SLA: variants seen among roughly 807,000 people sequenced by gnomAD.
The protein encoded by SLA is src-like-adapter.
Under a neutral mutation model 30.3 loss-of-function variants are expected in SLA, and 16 were observed. That is an observed-to-expected ratio of 0.53 (90% CI 0.36 to 0.80). The LOEUF is 0.80. Ranked by LOEUF, SLA falls within the 30% of genes least tolerant of loss-of-function variation. SLA has a pLI of 0.01. For synonymous variants in SLA, 143 were observed against 137.8 expected (o/e 1.04, Z -0.26); for missense variants, 310 against 345.2 (o/e 0.90, Z 0.81).
At chr8:133,050,665 G>A (rs1417701647) in intron 4 of SLA, 151 bp downstream of exon 4, 14 of 612,780 alleles carry the variant, frequency 2.3e-5, no homozygotes, top group Non-Finnish European at 3.8e-5. Flanking sequence ...CATTAAAGAG[G>A]AAGGTTGCAG....
At chr8:133,045,190 C>G (rs774065468) in intron 6 of SLA, 75 bp from the exon 7 acceptor site, 1 of 1,549,168 alleles carries the variant, frequency 6.5e-7, no homozygotes, top group African/African-American at 1.4e-5. Context: ...CAGCCCACCA[C>G]CACTGAGGCA....
At chr8:133,102,526 C>T in intron 1 of SLA, 27 bp downstream of exon 1, 2 of 1,551,050 alleles carry the variant, frequency 1.3e-6, no homozygotes, top group Non-Finnish European at 1.7e-6. Context: ...CCAGGGGGTC[C>T]CAATGACAGC....
rs371526739 is a variant in SLA, at chr8:133,101,757, T to C, written c.-319+796A>G. On this transcript the variant is annotated intron_variant, in intron 1 of 8. Coordinates refer to ENST00000338087, the MANE Select transcript of SLA (RefSeq NM_001045556.3). ...AGGCAAACAACTGAAACACCATTGA[T>C]ACATACTATATGGAGAGATGGACAT... Among the ~76,000 whole-genome samples, 61 of 152,342 alleles carry C rather than the reference T, an allele frequency of 4.0e-4. 1 individual carries two copies. In the South Asian group the frequency reaches 9.9e-3, roughly 25 times the overall value.
intron 7 of SLA, among the ~76,000 whole-genome samples, chr8:133,040,519 T>C (rs953913129): frequency 2.0e-5 from 3 of 152,202 alleles, no homozygotes; most frequent in African/African-American, 7.2e-5. Flanking sequence ...GCCGCAGCCT[T>C]CCAGGGTTTC....
rs190458607 is a variant in SLA, at chr8:133,084,756, C to T, written c.-318-9626G>A. Among the ~76,000 whole-genome samples the T allele has an allele frequency of 2.0e-4, 30 of 152,370 alleles. No homozygotes were observed. In the South Asian group the frequency reaches 6.0e-3, roughly 30 times the overall value. On this transcript the variant is annotated intron_variant, in intron 1 of 8. Coordinates refer to ENST00000338087, the MANE Select transcript of SLA (RefSeq NM_001045556.3). ...GGAGAGACCCCTTAGAGCGCTCCCC[C>T]ACAGGGGCCTGGGAAGGCCTCCACA... is the stretch of plus-strand genomic sequence containing the variant.
intron 1 of SLA, among the ~76,000 whole-genome samples, chr8:133,091,692 GTT>G: frequency 6.6e-6 from 1 of 152,138 alleles, no homozygotes; most frequent in East Asian, 1.9e-4. Flanking sequence ...GACTGTGTGT[GTT>G]TGTGTGTCCT....
At chr8:133,059,342 G>A (rs925508735) in intron 3 of SLA, 1 of 357,032 alleles carries the variant, frequency 2.8e-6, no homozygotes, top group Non-Finnish European at 5.6e-6. Context: ...GGAAATAAAG[G>A]TCAGGCCATT....
intron 1 of SLA, among the ~76,000 whole-genome samples, chr8:133,092,776 A>G (rs1272705350): frequency 6.6e-6 from 1 of 152,088 alleles, no homozygotes; most frequent in Non-Finnish European, 1.5e-5. Context: ...GTCTCTAATC[A>G]AGTGCTTTAA....
intron 3 of SLA, among the ~76,000 whole-genome samples, chr8:133,051,259 G>A (rs1840354984): frequency 6.6e-6 from 1 of 152,178 alleles, no homozygotes; most frequent in Non-Finnish European, 1.5e-5. Context: ...TCTTTAAAAT[G>A]GGACTAATAC....
At chr8:133,042,045 C>T (rs1242820947) in intron 7 of SLA, among the ~76,000 whole-genome samples, 1 of 152,016 alleles carries the variant, frequency 6.6e-6, no homozygotes, top group Non-Finnish European at 1.5e-5. Flanking sequence ...CCTCAGCCTC[C>T]CAAAGTGCTG....
At chr8:133,091,277 G>A (rs985303679) in intron 1 of SLA, among the ~76,000 whole-genome samples, 3 of 152,204 alleles carry the variant, frequency 2.0e-5, no homozygotes, top group South Asian at 2.1e-4. Context: ...TGCTTACTGG[G>A]CTTCCCATCC....
intron 6 of SLA, chr8:133,047,028 G>A (rs1269883006): frequency 6.6e-6 from 1 of 152,130 alleles, no homozygotes; most frequent in Admixed American, 6.5e-5. Flanking sequence ...TATTCAGTCT[G>A]GGAAAACCCT....
intron 1 of SLA, among the ~76,000 whole-genome samples, chr8:133,098,539 C>T (rs1209225449): frequency 2.0e-5 from 3 of 152,202 alleles, no homozygotes; most frequent in Non-Finnish European, 4.4e-5. Flanking sequence ...TCTCTGTGCA[C>T]AAGACACCAT....
chr8:133,040,910 C>T (rs1838094868), intron 7 of SLA, among the ~76,000 whole-genome samples: 1 of 152,120 alleles, frequency 6.6e-6, no homozygotes, highest in Non-Finnish European at 1.5e-5. Context: ...TTAAATAAAC[C>T]CGTTTCTTTT....
chr8:133,075,713 G>A (rs1844765770), intron 1 of SLA, among the ~76,000 whole-genome samples: 1 of 152,066 alleles, frequency 6.6e-6, no homozygotes, highest in Non-Finnish European at 1.5e-5. Context: ...AGTTATTGTG[G>A]TTTCTGCCAT....
chr8:133,096,738 G>C (rs759915041), intron 1 of SLA, among the ~76,000 whole-genome samples: 11 of 152,336 alleles, frequency 7.2e-5, no homozygotes, highest in Non-Finnish European at 1.3e-4. Flanking sequence ...GCAGGGAGAT[G>C]AAGGGACTCT....
intron 1 of SLA, among the ~76,000 whole-genome samples, chr8:133,092,661 A>G (rs1373192832): frequency 2.0e-5 from 3 of 152,176 alleles, no homozygotes; most frequent in African/African-American, 7.2e-5. Context: ...AGCCCACTTC[A>G]TCAGGGAGTG....
chr8:133,046,272 C>A (rs939486350), intron 6 of SLA, among the ~76,000 whole-genome samples: 4 of 152,180 alleles, frequency 2.6e-5, no homozygotes, highest in Non-Finnish European at 5.9e-5. Context: ...GCCATGAAAT[C>A]TCTATTAATT....
intron 3 of SLA, among the ~76,000 whole-genome samples, chr8:133,054,684 C>T (rs1841033770): frequency 6.6e-6 from 1 of 152,180 alleles, no homozygotes. Flanking sequence ...AAAATGAACT[C>T]CACTTGGTGA....
Sources: allele counts gnomAD v4.1 joint callset (sites outside exome capture counted in the v4.1 genomes callset), GRCh38; gene constraint gnomAD v4.1.1; transcripts MANE v1.5; gene names NCBI Gene and HGNC (gene_info 2026-07-23, HGNC 2026-07-21).